The following RHCE variants were observed in gnomAD, a reference collection of about 807,000 sequenced individuals.
RHCE encodes the protein blood group Rh(CE) polypeptide.
In RHCE, 22 loss-of-function variants were observed where a neutral mutation model predicts 43.8. The observed-to-expected ratio is 0.50, with a 90% CI of 0.36 to 0.72. The LOEUF is 0.72. Among genes scored for constraint, RHCE ranks in the 30% least tolerant of loss-of-function variants. The pLI is 0.00. For synonymous variants in RHCE, 156 were observed against 210.7 expected (o/e 0.74, Z 2.25); for missense variants, 385 against 525.4 (o/e 0.73, Z 2.61).
intron 2 of RHCE, among the ~76,000 whole-genome samples, chr1:25,404,022 C>G (rs1646836309): frequency 1.3e-5 from 2 of 149,978 alleles, no homozygotes; most frequent in Non-Finnish European, 3.0e-5. Flanking sequence ...ACAAAAATTA[C>G]CCGGGCATGG....
At chr1:25,423,008 G>A (rs1177241333), upstream of RHCE, among the ~76,000 whole-genome samples, 2 of 152,068 alleles carry the variant, frequency 1.3e-5, no homozygotes, top group African/African-American at 2.4e-5. Context: ...GGTTCCTAAC[G>A]GGCCACAGCC....
chr1:25,362,353 T>A lies in RHCE; in HGVS notation c.*174A>T. ...TATTTTAAACTTATTAAATTGACTC[T>A]TAAACTAAGTTTTTAGTCTTTAATT... is the stretch of plus-strand genomic sequence containing the variant. On this transcript the variant is annotated 3_prime_UTR_variant, in exon 10 of 10. Coordinates refer to ENST00000294413, the MANE Select transcript of RHCE (RefSeq NM_020485.8). 1 of 1,440,526 alleles carries A rather than the reference T, an allele frequency of 6.9e-7. No homozygotes were observed. The highest frequency in any genetic ancestry group is 1.4e-5 in the African/African-American group (1 of 69,742). The allele number at this position is 1,440,526 out of a possible 1,614,324, so 89.2% of individuals were successfully genotyped here.
chr1:25,404,636 TG>T (rs1646859915), intron 2 of RHCE, among the ~76,000 whole-genome samples: 1 of 149,870 alleles, frequency 6.7e-6, no homozygotes, highest in Admixed American at 6.7e-5. Context: ...AAGACAGTGA[TG>T]TGCAGTGGTT....
At chr1:25,402,491 G>A in intron 3 of RHCE, 105 bp downstream of exon 3, 1 of 1,558,298 alleles carries the variant, frequency 6.4e-7, no homozygotes, top group South Asian at 1.1e-5. Flanking sequence ...CTCCCAAGTA[G>A]CTGGGATTAC....
exon 1 of RHCE, chr1:25,430,163 G>A (rs1366933044): frequency 6.6e-6 from 1 of 151,994 alleles, no homozygotes; most frequent in African/African-American, 2.4e-5. Flanking sequence ...CGTGGAGCCC[G>A]GGCCGCACCG....
chr1:25,388,832 G>T, intron 6 of RHCE, 144 bp downstream of exon 6: 1 of 1,364,586 alleles, frequency 7.3e-7, no homozygotes, highest in East Asian at 2.5e-5. Flanking sequence ...AGCCAGGATG[G>T]ATCCCTCGCT....
In RHCE at chr1:25,391,521, T is replaced by C. The variant is rs368183735; in HGVS notation, c.634+473A>G. ...ATTTTTTTTTTTTTAATGAATGTGC[T>C]GCTTTAACTTGACCCCGTGGCCTGA... On this transcript the variant is annotated intron_variant, in intron 4 of 9. Transcript: ENST00000294413. 2.0e-5 allele frequency among the ~76,000 whole-genome samples: 3 copies of C among 152,084 alleles called. No homozygotes were observed. The East Asian group carries it at 5.8e-4, about 29-fold the overall frequency.
At chr1:25,382,585 A>G (rs1449254839) in intron 7 of RHCE, among the ~76,000 whole-genome samples, 2 of 151,762 alleles carry the variant, frequency 1.3e-5, no homozygotes, top group African/African-American at 4.9e-5. Context: ...CCATGATAAC[A>G]GTCTCCCTGC....
At chr1:25,424,862 G>A (rs935870609), upstream of RHCE, among the ~76,000 whole-genome samples, 2 of 151,850 alleles carry the variant, frequency 1.3e-5, no homozygotes, top group African/African-American at 4.8e-5. Flanking sequence ...TGTCACCCAG[G>A]CTGGAATGCA....
At chr1:25,369,816 G>C (rs1003769381) in intron 9 of RHCE, among the ~76,000 whole-genome samples, 1 of 136,874 alleles carries the variant, frequency 7.3e-6, no homozygotes, top group Non-Finnish European at 1.5e-5. Flanking sequence ...TCAGCTCACT[G>C]CAACCTCTGC....
At chr1:25,396,612 G>T (rs139283648) in intron 3 of RHCE, among the ~76,000 whole-genome samples, 10,537 of 151,470 alleles carry the variant, frequency 0.07, 1,155 homozygotes, top group African/African-American at 0.24. Flanking sequence ...TTACGTGGTG[G>T]CAGGTGAGAG....
intron 2 of RHCE, among the ~76,000 whole-genome samples, chr1:25,405,229 G>C (rs920891716): frequency 7.9e-5 from 12 of 152,128 alleles, no homozygotes; most frequent in Non-Finnish European, 1.8e-4. Flanking sequence ...GTGGTGGTGT[G>C]CACCCATAGT....
intron 2 of RHCE, among the ~76,000 whole-genome samples, chr1:25,403,775 A>G (rs570604987): frequency 0.01 from 1,583 of 151,714 alleles, 25 homozygotes; most frequent in African/African-American, 0.036. Context: ...CTGGGAGTTA[A>G]TGATGATGAT....
At chr1:25,400,895 C>T (rs660518) in intron 3 of RHCE, among the ~76,000 whole-genome samples, 88,273 of 151,938 alleles carry the variant, frequency 0.58, 26,905 homozygotes, top group African/African-American at 0.75. Context: ...ATCAGCAAAT[C>T]CTGTCAATTC....
chr1:25,393,505 C>T lies in RHCE; in HGVS notation c.487-1364G>A, dbSNP rs190715367. Among the ~76,000 whole-genome samples the T allele has an allele frequency of 2.6e-5, 4 of 152,174 alleles. No homozygotes were observed. In the South Asian group the frequency reaches 6.2e-4, roughly 24 times the overall value. On this transcript the variant is annotated intron_variant, in intron 3 of 9. Transcript: ENST00000294413. ...GCGTGGTGATGCTTGCTTGTAATCC[C>T]ATCTACCTGGGAGGCTGAGGCAGGA...
intron 2 of RHCE, among the ~76,000 whole-genome samples, chr1:25,404,191 T>C (rs1005328463): frequency 2.9e-5 from 3 of 101,920 alleles, no homozygotes; most frequent in Non-Finnish European, 6.6e-5. Flanking sequence ...AAAAAAAAAA[T>C]TCACTCTCTG....
intron 1 of RHCE, among the ~76,000 whole-genome samples, chr1:25,420,016 C>CA (rs1280941313): frequency 1.4e-3 from 186 of 128,876 alleles, no homozygotes; most frequent in Middle Eastern, 3.9e-3. Context: ...ACATCTCTAC[C>CA]AAAAAAAAAA....
chr1:25,369,800 G>C (rs1463712589), intron 9 of RHCE, among the ~76,000 whole-genome samples: 1 of 145,224 alleles, frequency 6.9e-6, no homozygotes, highest in Non-Finnish European at 1.5e-5. Context: ...GTGCAGTGGC[G>C]CAATCTCAGC....
chr1:25,397,102 ACT>A (rs1225319159), intron 3 of RHCE, among the ~76,000 whole-genome samples: 4 of 115,656 alleles, frequency 3.5e-5, no homozygotes, highest in Non-Finnish European at 6.6e-5. Context: ...ATGGAGCAAG[ACT>A]CTGTCTCAAA....
Sources: gnomAD v4.1 joint callset for allele counts (sites outside exome capture counted in the v4.1 genomes callset) on GRCh38, gnomAD v4.1.1 for gene constraint, MANE v1.5 for transcripts, NCBI Gene and HGNC (gene_info 2026-07-23, HGNC 2026-07-21) for gene names.